The following TSHZ2 variants were observed in gnomAD, a reference collection of about 807,000 sequenced individuals.
TSHZ2 encodes teashirt homolog 2.
In TSHZ2, 21 loss-of-function variants were observed where a neutral mutation model predicts 74.4. That is an observed-to-expected ratio of 0.28 (90% CI 0.20 to 0.41). The LOEUF (loss-of-function observed/expected upper bound fraction) is 0.41, where lower values mean the gene tolerates loss of function less well. Among genes scored for constraint, TSHZ2 ranks in the 10% least tolerant of loss-of-function variants. The probability of loss-of-function intolerance (pLI) is 1.00; values close to 1 mark genes in which losing one functional copy is unlikely to be tolerated. For synonymous variants in TSHZ2, 540 were observed against 515.3 expected (o/e 1.05, Z -0.65); for missense variants, 1,244 against 1,293.5 (o/e 0.96, Z 0.59).
intron 2 of TSHZ2, among the ~76,000 whole-genome samples, chr20:53,423,967 C>A (rs1443715717): frequency 6.6e-6 from 1 of 152,164 alleles, no homozygotes; most frequent in African/African-American, 2.4e-5. Context: ...CCCGACGACG[C>A]GCAGGACAGC....
chr20:53,241,637 A>G (rs1457499870), intron 1 of TSHZ2, among the ~76,000 whole-genome samples: 1 of 152,094 alleles, frequency 6.6e-6, no homozygotes, highest in Admixed American at 6.6e-5. Flanking sequence ...ATTCTTCATG[A>G]CTAGGTTTTT....
At position 53,002,398 on chromosome 20, in the gene TSHZ2, A is replaced by G. The variant is rs541672832; in HGVS notation, c.40+29065A>G. ...CAATCTAAAAATAATACAAAATGAA[A>G]GAAACTGTCATACATTATCTTTTTT... On this transcript the variant is annotated intron_variant, in intron 1 of 2. Coordinates refer to ENST00000371497, the MANE Select transcript of TSHZ2 (RefSeq NM_173485.6). Among the ~76,000 whole-genome samples, 3 of 151,438 alleles carry G rather than the reference A, an allele frequency of 2.0e-5. No individual in the cohort carries two copies. The East Asian group carries it at 5.8e-4, about 29-fold the overall frequency.
intron 2 of TSHZ2, among the ~76,000 whole-genome samples, chr20:53,468,642 A>G (rs1374946935): frequency 6.8e-6 from 1 of 146,130 alleles, no homozygotes; most frequent in Admixed American, 7.0e-5. Flanking sequence ...AAAGTTGATT[A>G]TATAAGGTAG....
chr20:53,148,350 G>T (rs1568782689), intron 1 of TSHZ2, among the ~76,000 whole-genome samples: 1 of 152,056 alleles, frequency 6.6e-6, no homozygotes, highest in Non-Finnish European at 1.5e-5. Context: ...GCGTGTAGAG[G>T]CGAGAGTTGC....
intron 1 of TSHZ2, among the ~76,000 whole-genome samples, chr20:53,068,008 A>G (rs1232654303): frequency 2.0e-5 from 3 of 152,084 alleles, no homozygotes; most frequent in Admixed American, 1.3e-4. Flanking sequence ...CTGTTGTTAC[A>G]TGGCTCCCTT....
chr20:53,457,770 G>A (rs1376146105), intron 2 of TSHZ2, among the ~76,000 whole-genome samples: 1 of 151,842 alleles, frequency 6.6e-6, no homozygotes, highest in South Asian at 2.1e-4. Context: ...TAGCATGAAA[G>A]GTTGTTGAAT....
chr20:53,474,768 A>C (rs1415574552), intron 2 of TSHZ2, among the ~76,000 whole-genome samples: 1 of 130,268 alleles, frequency 7.7e-6, no homozygotes, highest in Non-Finnish European at 1.6e-5. Context: ...AACCCATCTC[A>C]AGTGCAGAGA....
intron 1 of TSHZ2, among the ~76,000 whole-genome samples, chr20:53,112,004 G>A (rs1986546584): frequency 6.6e-6 from 1 of 152,184 alleles, no homozygotes; most frequent in Non-Finnish European, 1.5e-5. Flanking sequence ...AACCCTGACT[G>A]TCTCCACACC....
At chr20:53,045,680 G>A (rs1324026990) in intron 1 of TSHZ2, among the ~76,000 whole-genome samples, 5 of 152,160 alleles carry the variant, frequency 3.3e-5, no homozygotes, top group African/African-American at 9.7e-5. Flanking sequence ...ACCTGGCTTC[G>A]AATCTGGGAA....
At chr20:53,396,765 T>C (rs2145670379) in intron 2 of TSHZ2, among the ~76,000 whole-genome samples, 1 of 150,974 alleles carries the variant, frequency 6.6e-6, no homozygotes, top group South Asian at 2.1e-4. Context: ...GCGGATCACT[T>C]GAGCCTAGGA....
chr20:53,099,010 C>CA (rs1986138764), intron 1 of TSHZ2, among the ~76,000 whole-genome samples: 1 of 152,060 alleles, frequency 6.6e-6, no homozygotes, highest in South Asian at 2.1e-4. Context: ...GAGTCTTTGC[C>CA]TAGGTGCTTG....
In TSHZ2 at chr20:53,190,133, A is replaced by T. The variant is rs1292926811; in HGVS notation, c.41-63366A>T. Among the ~76,000 whole-genome samples the T allele has an allele frequency of 2.8e-3, 241 of 86,298 alleles. 5 individuals are homozygous for T. Among genetic ancestry groups the T allele is most frequent in the African/African-American group, 0.011 (231 of 21,844 alleles). The allele number at this position is 86,298 out of a possible 152,430, so 56.6% of individuals were successfully genotyped here. On this transcript the variant is annotated intron_variant, in intron 1 of 2. Transcript: ENST00000371497. ...TATATATATATATATATATATATATATATATTTTCTTAAATGCCTCTGTTT... is the reference window on the plus strand; with the variant it reads ...TATATATATATATATATATATATATTTATATTTTCTTAAATGCCTCTGTTT...
rs369561934 is a variant in TSHZ2, at chr20:53,254,939, C to G, written c.1481C>G (p.Pro494Arg). The change falls in exon 2 of 3, where the codon CCT (proline) becomes CGT (arginine). Residue 494 changes from proline (P) to arginine (R), a missense_variant. Physicochemically the swap from Pro to Arg is moderately radical, Grantham distance 103. This residue lies in a region of TSHZ2 where 562 missense variants were observed against 544.0 expected (regional missense o/e 1.03). Coordinates refer to ENST00000371497, the MANE Select transcript of TSHZ2 (RefSeq NM_173485.6). ...YEDPLQKPLD[P>R]TIKYQYLREE... Reference sequence around the variant, plus strand: ...GATCCTCTACAAAAACCTTTAGACCCTACAATCAAATATCAATACCTAAGG... The same window carrying G: ...GATCCTCTACAAAAACCTTTAGACCGTACAATCAAATATCAATACCTAAGG... 1.2e-5 allele frequency: 20 copies of G among 1,613,846 alleles called. No homozygotes were observed. The highest frequency in any genetic ancestry group is 1.7e-5 in the Non-Finnish European group (20 of 1,179,928).
intron 2 of TSHZ2, among the ~76,000 whole-genome samples, chr20:53,406,596 C>T (rs951507707): frequency 6.6e-6 from 1 of 152,086 alleles, no homozygotes; most frequent in African/African-American, 2.4e-5. Flanking sequence ...GCAGGAACCC[C>T]CAATTCCTCC....
Position 53,253,941 on chromosome 20 carries a change from C to A in TSHZ2, c.483C>A (p.Ser161Arg). The A allele has an allele frequency of 6.2e-7, 1 of 1,614,180 alleles. No individual in the cohort carries two copies. Among genetic ancestry groups the A allele is most frequent in the Non-Finnish European group, 8.5e-7 (1 of 1,180,034 alleles). ...ERRNCDTRNG[S>R]NKSDFDWHQD... ...GGAACTGTGACACCCGAAACGGCAG[C>A]AACAAGAGTGATTTTGATTGGCACC... Residue 161 changes from serine to arginine, a missense_variant, in exon 2 of 3, where the codon AGC becomes AGA. Around this residue, in one of 6 missense-constraint regions of TSHZ2, gnomAD observed 470 missense variants for 456.5 expected, o/e 1.03. Transcript: ENST00000371497.
chr20:53,112,514 A>AATTCATTT (rs1265674856), intron 1 of TSHZ2, among the ~76,000 whole-genome samples: 2 of 152,102 alleles, frequency 1.3e-5, no homozygotes, highest in Non-Finnish European at 2.9e-5. Flanking sequence ...CCTAATAAGA[A>AATTCATTT]ATTCATTTTT....
intron 2 of TSHZ2, among the ~76,000 whole-genome samples, chr20:53,406,329 C>T (rs532485233): frequency 6.6e-6 from 1 of 152,304 alleles, no homozygotes; most frequent in East Asian, 1.9e-4. Context: ...CTAAGAATGA[C>T]AGAAAGCAGC....
intron 1 of TSHZ2, among the ~76,000 whole-genome samples, chr20:52,997,215 G>A (rs547051498): frequency 2.0e-5 from 3 of 151,750 alleles, no homozygotes; most frequent in Non-Finnish European, 4.4e-5. Context: ...AGGAGAACTC[G>A]CCTCCCAGCT....
rs572430293 is a variant in TSHZ2 at position 53,081,443 on chromosome 20, A to C, written c.40+108110A>C. Among the ~76,000 whole-genome samples, 5 of 152,318 alleles carry C rather than the reference A, an allele frequency of 3.3e-5. No homozygotes were observed. In the South Asian group the frequency reaches 1.0e-3, roughly 32 times the overall value. ...TCCTTGAGAAACACTGAACACAGAA[A>C]ACTGCACCCAGCTGAACCAGGCCAT... On this transcript the variant is annotated intron_variant, in intron 1 of 2. Coordinates refer to ENST00000371497, the MANE Select transcript of TSHZ2 (RefSeq NM_173485.6).
Sources: gnomAD v4.1 joint callset for allele counts (sites outside exome capture counted in the v4.1 genomes callset) on GRCh38, gnomAD v4.1.1 for gene constraint, gnomAD v4.1.1 regional missense constraint, MANE v1.5 for transcripts, NCBI Gene and HGNC (gene_info 2026-07-23, HGNC 2026-07-21) for gene names.